Variants in MTUS1 observed in about 807,000 individuals in gnomAD.
The protein encoded by MTUS1 is microtubule associated scaffold protein 1.
Under a neutral mutation model 120.8 loss-of-function variants are expected in MTUS1, and 109 were observed. The observed-to-expected ratio is 0.90, with a 90% CI of 0.77 to 1.06. The LOEUF (loss-of-function observed/expected upper bound fraction) is 1.06. MTUS1 is among the 50% of genes least tolerant of loss of function. MTUS1 has a pLI of 0.00. For synonymous variants in MTUS1, 737 were observed against 550.5 expected (o/e 1.34, Z -4.74); for missense variants, 2,210 against 1,486.3 (o/e 1.49, Z -8.01).
At chr8:17,731,367 A>C (rs1413998947) in intron 3 of MTUS1, among the ~76,000 whole-genome samples, 1 of 152,162 alleles carries the variant, frequency 6.6e-6, no homozygotes, top group Admixed American at 6.5e-5. Context: ...GGGTGATAGG[A>C]GTACTCCTTA....
chr8:17,733,015 C>G (rs1301486204), intron 3 of MTUS1, among the ~76,000 whole-genome samples: 1 of 152,148 alleles, frequency 6.6e-6, no homozygotes, highest in Non-Finnish European at 1.5e-5. Flanking sequence ...ATTTAAGTCA[C>G]TCCAGTTCAA....
intron 6 of MTUS1, among the ~76,000 whole-genome samples, chr8:17,698,434 C>T (rs1003749980): frequency 2.6e-5 from 4 of 152,088 alleles, no homozygotes; most frequent in Non-Finnish European, 5.9e-5. Flanking sequence ...GAATTAACAA[C>T]AACAATATGC....
chr8:17,683,825 T>A (rs1815145821), intron 7 of MTUS1, among the ~76,000 whole-genome samples: 1 of 151,762 alleles, frequency 6.6e-6, no homozygotes, highest in African/African-American at 2.4e-5. Flanking sequence ...ACACGGCAAA[T>A]CTGCTTTGCT....
chr8:17,797,041 G>C (rs148692849), intron 1 of MTUS1, among the ~76,000 whole-genome samples: 2,856 of 151,550 alleles, frequency 0.019, 75 homozygotes, highest in African/African-American at 0.065. Context: ...GAACCTGAGA[G>C]GTGGGGGTTG....
At chr8:17,784,211 T>G (rs1014432257) in intron 1 of MTUS1, among the ~76,000 whole-genome samples, 3 of 152,188 alleles carry the variant, frequency 2.0e-5, no homozygotes, top group Admixed American at 6.5e-5. Flanking sequence ...ACATTTACAG[T>G]TGAGAATACT....
intron 12 of MTUS1, among the ~76,000 whole-genome samples, chr8:17,651,109 G>C (rs1806889080): frequency 6.6e-6 from 1 of 152,138 alleles, no homozygotes; most frequent in African/African-American, 2.4e-5. Context: ...GCTGGAAAGG[G>C]TCAGGGCAGG....
At chr8:17,706,864 T>C (rs1820273481) in intron 6 of MTUS1, among the ~76,000 whole-genome samples, 1 of 152,220 alleles carries the variant, frequency 6.6e-6, no homozygotes, top group Non-Finnish European at 1.5e-5. Flanking sequence ...TATACACTTA[T>C]CTAAATTTCA....
intron 1 of MTUS1, among the ~76,000 whole-genome samples, chr8:17,798,679 G>A (rs1461091503): frequency 3.9e-5 from 6 of 152,136 alleles, no homozygotes; most frequent in Admixed American, 2.6e-4. Flanking sequence ...TAGTTCTGAA[G>A]CTACGATTTA....
intron 1 of MTUS1, among the ~76,000 whole-genome samples, chr8:17,784,498 T>C (rs796477761): frequency 2.3e-4 from 35 of 152,264 alleles, no homozygotes; most frequent in African/African-American, 7.9e-4. Context: ...TATCACCATA[T>C]TGGCCAGGCT....
rs77482097 is a variant in MTUS1, at chr8:17,739,029, G to T, written c.2287+4575C>A. Reference sequence around the variant, plus strand: ...ATGCTGACACACATCTGTGATACCAGGTACATGGGACGCTGAGACAGGAGG... The same window carrying T: ...ATGCTGACACACATCTGTGATACCATGTACATGGGACGCTGAGACAGGAGG... On this transcript the variant is annotated intron_variant, in intron 3 of 14. Coordinates refer to ENST00000693296, the MANE Select transcript of MTUS1 (RefSeq NM_001363059.2). 8.4e-3 allele frequency among the ~76,000 whole-genome samples: 1,275 copies of T among 151,816 alleles called. 47 individuals are homozygous for T. In the East Asian group the frequency reaches 0.11, roughly 13 times the overall value.
intron 3 of MTUS1, among the ~76,000 whole-genome samples, chr8:17,741,860 C>T (rs780042135): frequency 1.2e-4 from 18 of 152,120 alleles, no homozygotes; most frequent in Non-Finnish European, 2.4e-4. Flanking sequence ...CTTAGATTCT[C>T]AGACACTTAC....
chr8:17,729,139 T>C lies in MTUS1; in HGVS notation c.2288-5306A>G, dbSNP rs566833902. Among the ~76,000 whole-genome samples, 11 of 152,338 alleles carry C rather than the reference T, an allele frequency of 7.2e-5. No homozygotes were observed. The East Asian group carries it at 2.1e-3, about 29-fold the overall frequency. On this transcript the variant is annotated intron_variant, in intron 3 of 14. Transcript: ENST00000693296. ...GCTATAATTATATAACTTGGGTTCCTTAAATACAACTCAACTACTTAGAGA... is the reference window on the plus strand; with the variant it reads ...GCTATAATTATATAACTTGGGTTCCCTAAATACAACTCAACTACTTAGAGA...
chr8:17,798,180 C>G (rs1156619330), intron 1 of MTUS1, among the ~76,000 whole-genome samples: 1 of 152,290 alleles, frequency 6.6e-6, no homozygotes, highest in East Asian at 1.9e-4. Flanking sequence ...GGATTTAAAA[C>G]TTTCTGCTCT....
intron 7 of MTUS1, among the ~76,000 whole-genome samples, chr8:17,677,715 C>A (rs1299022634): frequency 6.6e-6 from 1 of 152,182 alleles, no homozygotes; most frequent in Non-Finnish European, 1.5e-5. Context: ...CAACCTCTGT[C>A]AGGCACAGTA....
intron 1 of MTUS1, 125 bp from the exon 2 acceptor site, chr8:17,756,086 G>T: frequency 2.5e-6 from 1 of 398,102 alleles, no homozygotes; most frequent in Non-Finnish European, 4.2e-6. Context: ...CACAACTACT[G>T]ATGTGGGTAA....
chr8:17,730,487 A>T (rs1411578163), intron 3 of MTUS1, among the ~76,000 whole-genome samples: 1 of 16,598 alleles, frequency 6.0e-5, no homozygotes, highest in African/African-American at 1.0e-4. Flanking sequence ...TCTGTCTTTA[A>T]AAAAAAAAAA....
chr8:17,717,768 A>T (rs960564677), intron 4 of MTUS1, among the ~76,000 whole-genome samples: 4 of 152,080 alleles, frequency 2.6e-5, no homozygotes, highest in African/African-American at 9.7e-5. Context: ...GCAAAATAGG[A>T]GGTGGTGTGC....
intron 6 of MTUS1, among the ~76,000 whole-genome samples, chr8:17,702,572 ACT>A (rs1819314377): frequency 6.6e-6 from 1 of 151,694 alleles, no homozygotes. Flanking sequence ...CCACCACTCT[ACT>A]CTGTTTCTGA....
intron 6 of MTUS1, among the ~76,000 whole-genome samples, chr8:17,688,406 C>T (rs1336922233): frequency 6.6e-6 from 1 of 152,160 alleles, no homozygotes; most frequent in East Asian, 1.9e-4. Flanking sequence ...AAATCTCAAC[C>T]TATCTGTAAA....
Sources: gnomAD v4.1 joint callset for allele counts (sites outside exome capture counted in the v4.1 genomes callset) on GRCh38, gnomAD v4.1.1 for gene constraint, MANE v1.5 for transcripts, NCBI Gene and HGNC (gene_info 2026-07-23, HGNC 2026-07-21) for gene names.